The following CEP128 variants were observed in gnomAD, a reference collection of about 807,000 sequenced individuals.
The protein encoded by CEP128 is centrosomal protein 128, also known as centrosomal protein 128kDa.
In CEP128, 132 loss-of-function variants were observed where a neutral mutation model predicts 156.7. The observed-to-expected ratio is 0.84, with a 90% CI of 0.73 to 0.97. CEP128 has a LOEUF of 0.97. CEP128 is among the 50% of genes least tolerant of loss of function. The pLI, the probability that CEP128 is intolerant of heterozygous loss-of-function variation, is 0.00. For missense variants in CEP128, 1,252 were observed against 1,281.9 expected, an observed-to-expected ratio of 0.98 and a Z score of 0.36; for synonymous variants, 469 against 448.9, an observed-to-expected ratio of 1.04 and a Z score of -0.57.
At chr14:80,693,005 A>G (rs1896768399) in intron 19 of CEP128, among the ~76,000 whole-genome samples, 1 of 152,202 alleles carries the variant, frequency 6.6e-6, no homozygotes, top group South Asian at 2.1e-4. Flanking sequence ...TAATTCAGGA[A>G]ATCTGAGATG....
At chr14:80,930,184 A>C (rs554865312) in intron 2 of CEP128, among the ~76,000 whole-genome samples, 21 of 152,326 alleles carry the variant, frequency 1.4e-4, no homozygotes, top group African/African-American at 3.1e-4. Flanking sequence ...AATACAAATT[A>C]ACATTAGCAG....
chr14:80,725,865 A>G (rs547379902), intron 19 of CEP128, among the ~76,000 whole-genome samples: 2 of 152,330 alleles, frequency 1.3e-5, no homozygotes, highest in South Asian at 2.1e-4. Context: ...GAAATCACAA[A>G]TTGAACAAAT....
At chr14:80,563,624 C>T (rs1207293323) in intron 20 of CEP128, among the ~76,000 whole-genome samples, 1 of 145,468 alleles carries the variant, frequency 6.9e-6, no homozygotes. Flanking sequence ...ACCTCCACCT[C>T]TTGGATTTAA....
chr14:80,586,624 C>T (rs989979762), intron 19 of CEP128, among the ~76,000 whole-genome samples: 1 of 152,162 alleles, frequency 6.6e-6, no homozygotes, highest in African/African-American at 2.4e-5. Flanking sequence ...TGTGTAACAT[C>T]GACAATCTGT....
Position 80,916,582 on chromosome 14 carries a change from C to G in CEP128, c.-15-20G>C, listed in dbSNP as rs151259063. On this transcript the variant is annotated intron_variant, in intron 2 of 24. Transcript: ENST00000555265. ...CAAATCCTTTTAAATAAATATAGGT[C>G]AAAGTTAATGAAACAGTAAAAAGCA... is the stretch of plus-strand genomic sequence containing the variant. 137 of 1,578,268 alleles carry G rather than the reference C, an allele frequency of 8.7e-5. 2 individuals carry two copies. The African/African-American group carries it at 1.5e-3, about 18-fold the overall frequency.
At chr14:80,885,411 C>G (rs561387159) in intron 8 of CEP128, among the ~76,000 whole-genome samples, 3 of 152,140 alleles carry the variant, frequency 2.0e-5, no homozygotes, top group Admixed American at 6.6e-5. Context: ...CCCTCTGGAA[C>G]GAAGTTTCCA....
chr14:80,827,727 C>G (rs1475560266), intron 13 of CEP128, among the ~76,000 whole-genome samples: 1 of 152,082 alleles, frequency 6.6e-6, no homozygotes. Flanking sequence ...GTTCATTAAG[C>G]AATTTTTTGG....
chr14:80,949,608 C>A (rs937178146), intron 2 of CEP128, among the ~76,000 whole-genome samples: 1 of 152,056 alleles, frequency 6.6e-6, no homozygotes, highest in African/African-American at 2.4e-5. Context: ...GGTATTGCCT[C>A]GGGAATGAGG....
intron 21 of CEP128, among the ~76,000 whole-genome samples, chr14:80,549,464 G>C (rs1890122995): frequency 6.6e-6 from 1 of 152,152 alleles, no homozygotes; most frequent in South Asian, 2.1e-4. Flanking sequence ...AACCTTTCAG[G>C]CAACTTCAAT....
chr14:80,949,464 G>T (rs1033206240), intron 2 of CEP128, among the ~76,000 whole-genome samples: 3 of 151,966 alleles, frequency 2.0e-5, no homozygotes, highest in African/African-American at 7.2e-5. Context: ...AAATGAGGCT[G>T]GAGAAAAAAG....
chr14:80,622,651 C>T (rs1314213501), intron 19 of CEP128, among the ~76,000 whole-genome samples: 1 of 149,946 alleles, frequency 6.7e-6, no homozygotes, highest in Non-Finnish European at 1.5e-5. Context: ...GGGCGAAGGA[C>T]ATGAACAGAC....
intron 19 of CEP128, among the ~76,000 whole-genome samples, chr14:80,618,731 T>G (rs111538677): frequency 1.9e-4 from 29 of 152,296 alleles, no homozygotes; most frequent in African/African-American, 6.7e-4. Context: ...GATTCCTATA[T>G]GAAGCTGGGA....
At chr14:80,570,656 C>T (rs1258703267) in intron 20 of CEP128, among the ~76,000 whole-genome samples, 1 of 152,046 alleles carries the variant, frequency 6.6e-6, no homozygotes, top group East Asian at 1.9e-4. Flanking sequence ...TGTATTTTTT[C>T]TACTTAACAG....
At chr14:80,708,128 G>A (rs1422356500) in intron 19 of CEP128, among the ~76,000 whole-genome samples, 1 of 152,028 alleles carries the variant, frequency 6.6e-6, no homozygotes, top group Non-Finnish European at 1.5e-5. Context: ...GTCCCCTATG[G>A]ACATTTGGTT....
intron 13 of CEP128, among the ~76,000 whole-genome samples, chr14:80,800,170 T>A (rs897316382): frequency 6.6e-6 from 1 of 152,180 alleles, no homozygotes; most frequent in African/African-American, 2.4e-5. Flanking sequence ...AAAATTCCTC[T>A]CTTTGTACTC....
intron 23 of CEP128, chr14:80,526,648 T>C: frequency 2.7e-6 from 1 of 368,182 alleles, no homozygotes; most frequent in Non-Finnish European, 4.9e-6. Flanking sequence ...CAAGCAGTGA[T>C]GGCACAGACT....
chr14:80,641,940 A>T (rs960952026), intron 19 of CEP128, among the ~76,000 whole-genome samples: 3 of 151,974 alleles, frequency 2.0e-5, no homozygotes, highest in Non-Finnish European at 1.5e-5. Flanking sequence ...AATATAAAAA[A>T]TTAGCTGGGC....
intron 13 of CEP128, among the ~76,000 whole-genome samples, chr14:80,796,753 C>T (rs894636055): frequency 2.6e-5 from 4 of 152,224 alleles, no homozygotes; most frequent in Middle Eastern, 6.8e-3. Flanking sequence ...TTAGTGAGTC[C>T]TACATTCAGA....
chr14:80,808,667 C>A (rs1172328608), intron 13 of CEP128, among the ~76,000 whole-genome samples: 2 of 152,114 alleles, frequency 1.3e-5, no homozygotes, highest in Admixed American at 1.3e-4. Flanking sequence ...ACTTACCTAC[C>A]TGACACCTTT....
Sources: gnomAD v4.1 joint callset for allele counts (sites outside exome capture counted in the v4.1 genomes callset) on GRCh38, gnomAD v4.1.1 for gene constraint, MANE v1.5 for transcripts, NCBI Gene and HGNC (gene_info 2026-07-23, HGNC 2026-07-21) for gene names.